Variants in ACYP2 observed in about 807,000 individuals in gnomAD.
ACYP2 encodes acylphosphatase-2.
A neutral mutation model predicts 11.2 loss-of-function variants in ACYP2; 12 were observed. The ratio of observed to expected loss-of-function variants is 1.08; its 90% CI spans 0.69 to 1.74. The LOEUF is 1.74. Ranked by LOEUF, ACYP2 falls within the 40% of genes most tolerant of loss-of-function variation. The probability of loss-of-function intolerance (pLI) is 0.00; values close to 1 mark genes in which losing one functional copy is unlikely to be tolerated. For missense variants in ACYP2, 134 were observed against 101.9 expected (o/e 1.31, Z -1.35); for synonymous variants, 43 against 32.2 (o/e 1.33, Z -1.13).
intron 2 of ACYP2, among the ~76,000 whole-genome samples, chr2:54,004,921 GAAAGA>G (rs1455069011): frequency 7.3e-6 from 1 of 137,518 alleles, no homozygotes. Context: ...AAAAACAAAA[GAAAGA>G]AAAGAAAAGA....
intron 6 of ACYP2, among the ~76,000 whole-genome samples, chr2:54,264,462 C>G (rs1250979865): frequency 6.6e-6 from 1 of 152,190 alleles, no homozygotes; most frequent in African/African-American, 2.4e-5. Context: ...AGAAGCCCAG[C>G]TGGCTTCACC....
At chr2:54,299,569 G>A (rs1689642970) in intron 6 of ACYP2, among the ~76,000 whole-genome samples, 1 of 149,072 alleles carries the variant, frequency 6.7e-6, no homozygotes, top group South Asian at 2.2e-4. Flanking sequence ...TCCAGCCTGG[G>A]CGACAGAGCG....
intron 6 of ACYP2, among the ~76,000 whole-genome samples, chr2:54,257,911 G>T (rs1353853839): frequency 6.6e-6 from 1 of 152,118 alleles, no homozygotes; most frequent in Non-Finnish European, 1.5e-5. Flanking sequence ...CACAAAAATA[G>T]CATGAGGTTC....
chr2:54,037,606 C>T (rs1379874876), intron 2 of ACYP2, among the ~76,000 whole-genome samples: 1 of 152,038 alleles, frequency 6.6e-6, no homozygotes, highest in Non-Finnish European at 1.5e-5. Context: ...TGAGATCTCA[C>T]AATGTTACCC....
At chr2:54,167,590 C>A (rs1370050360) in intron 6 of ACYP2, among the ~76,000 whole-genome samples, 1 of 152,008 alleles carries the variant, frequency 6.6e-6, no homozygotes, top group African/African-American at 2.4e-5. Flanking sequence ...GGGGGAGGAA[C>A]TACTGAGGCA....
intron 6 of ACYP2, among the ~76,000 whole-genome samples, chr2:54,296,507 A>T (rs1427765065): frequency 6.6e-6 from 1 of 152,208 alleles, no homozygotes; most frequent in East Asian, 1.9e-4. Context: ...CTTAACGCAA[A>T]GGTGGGCTGA....
chr2:54,269,982 A>C (rs1242321118), intron 6 of ACYP2, among the ~76,000 whole-genome samples: 1 of 151,892 alleles, frequency 6.6e-6, no homozygotes, highest in Non-Finnish European at 1.5e-5. Context: ...TTTTGCTATT[A>C]TAAATATCCT....
chr2:54,270,909 C>A (rs1345995491), intron 6 of ACYP2, among the ~76,000 whole-genome samples: 1 of 152,122 alleles, frequency 6.6e-6, no homozygotes, highest in Non-Finnish European at 1.5e-5. Context: ...ATATCTAAAT[C>A]TGTTTATCTT....
At chr2:54,071,617 C>T (rs1677047893) in intron 4 of ACYP2, among the ~76,000 whole-genome samples, 1 of 152,024 alleles carries the variant, frequency 6.6e-6, no homozygotes, top group South Asian at 2.1e-4. Flanking sequence ...AGGTGTGCAC[C>T]ACCACACCCA....
intron 4 of ACYP2, among the ~76,000 whole-genome samples, chr2:54,111,313 G>C (rs1031623620): frequency 6.6e-6 from 1 of 152,006 alleles, no homozygotes; most frequent in Non-Finnish European, 1.5e-5. Flanking sequence ...GATTTCAAAA[G>C]TACTTGTTTG....
intron 4 of ACYP2, among the ~76,000 whole-genome samples, chr2:54,124,281 G>T (rs1181343180): frequency 6.6e-6 from 1 of 151,146 alleles, no homozygotes; most frequent in East Asian, 1.9e-4. Context: ...CGCAACCTCC[G>T]CCTACCAGGT....
intron 6 of ACYP2, among the ~76,000 whole-genome samples, chr2:54,177,219 G>A (rs1056919094): frequency 1.3e-5 from 2 of 152,132 alleles, no homozygotes; most frequent in African/African-American, 2.4e-5. Flanking sequence ...CCTTCCAGTT[G>A]AATGCTGCCA....
chr2:54,089,881 C>T (rs1309989500), intron 4 of ACYP2, among the ~76,000 whole-genome samples: 2 of 152,082 alleles, frequency 1.3e-5, no homozygotes, highest in African/African-American at 2.4e-5. Context: ...CACGGTGGCT[C>T]ATACCTGTAA....
At chr2:54,099,653 T>A (rs1183978274) in intron 4 of ACYP2, among the ~76,000 whole-genome samples, 1 of 150,584 alleles carries the variant, frequency 6.6e-6, no homozygotes, top group Admixed American at 6.6e-5. Flanking sequence ...TATAAAGCAA[T>A]TTTTTTTTTA....
intron 6 of ACYP2, among the ~76,000 whole-genome samples, chr2:54,177,525 C>G (rs1167690128): frequency 6.7e-6 from 1 of 150,002 alleles, no homozygotes; most frequent in Non-Finnish European, 1.5e-5. Flanking sequence ...CTCAATCACT[C>G]CGTTTGAGTA....
intron 6 of ACYP2, among the ~76,000 whole-genome samples, chr2:54,275,748 A>C (rs1390006509): frequency 6.6e-6 from 1 of 152,208 alleles, no homozygotes; most frequent in Non-Finnish European, 1.5e-5. Flanking sequence ...AGTGAATTAC[A>C]TTTAGGTGAA....
chr2:53,972,160 G>A (rs1369951354), intron 1 of ACYP2, among the ~76,000 whole-genome samples: 95 of 135,570 alleles, frequency 7.0e-4, no homozygotes, highest in Middle Eastern at 5.4e-3. Flanking sequence ...ATACAAAAAA[G>A]TTAGCCGGGC....
intron 4 of ACYP2, among the ~76,000 whole-genome samples, chr2:54,104,265 A>G (rs964084098): frequency 6.6e-6 from 1 of 152,238 alleles, no homozygotes; most frequent in African/African-American, 2.4e-5. Context: ...CAGAATCAAG[A>G]TAGGATGAGA....
chr2:54,209,670 A>ATGT (rs1685243868), intron 6 of ACYP2, among the ~76,000 whole-genome samples: 4 of 152,304 alleles, frequency 2.6e-5, no homozygotes, highest in African/African-American at 9.6e-5. Flanking sequence ...AGTTTGAGAC[A>ATGT]AAAAATGAAA....
Sources: gnomAD v4.1 joint callset for allele counts (sites outside exome capture counted in the v4.1 genomes callset) on GRCh38, gnomAD v4.1.1 for gene constraint, MANE v1.5 for transcripts, NCBI Gene and HGNC (gene_info 2026-07-23, HGNC 2026-07-21) for gene names.